Variants in KLHL8 observed in about 807,000 individuals in gnomAD.
KLHL8 encodes the protein kelch-like protein 8.
In KLHL8, 38 loss-of-function variants were observed where a neutral mutation model predicts 63.5. The ratio of observed to expected loss-of-function variants is 0.60; its 90% CI spans 0.46 to 0.78. The LOEUF is 0.78. Ranked by LOEUF, KLHL8 falls within the 30% of genes least tolerant of loss-of-function variation. KLHL8 has a pLI of 0.00. For synonymous variants in KLHL8, 224 were observed against 254.3 expected (o/e 0.88, Z 1.13); for missense variants, 566 against 752.4 (o/e 0.75, Z 2.90).
At chr4:87,228,648 T>C (rs1410452379) in intron 1 of KLHL8, among the ~76,000 whole-genome samples, 2 of 152,234 alleles carry the variant, frequency 1.3e-5, no homozygotes, top group African/African-American at 4.8e-5. Flanking sequence ...CCTATTCTTT[T>C]ACTGGGTCAG....
chr4:87,197,856 C>T (rs1731756406), intron 1 of KLHL8, among the ~76,000 whole-genome samples: 1 of 151,976 alleles, frequency 6.6e-6, no homozygotes, highest in Admixed American at 6.6e-5. Context: ...CTGTAAAGGG[C>T]CACAGAGTAG....
intron 2 of KLHL8, 116 bp downstream of exon 2, chr4:87,195,208 T>C (rs1364350800): frequency 4.3e-6 from 3 of 701,404 alleles, no homozygotes; most frequent in African/African-American, 3.6e-5. Flanking sequence ...ACTAAAAGCA[T>C]TCTGACTGTA....
chr4:87,179,049 T>C (rs1730946096), intron 4 of KLHL8, among the ~76,000 whole-genome samples: 2 of 152,210 alleles, frequency 1.3e-5, no homozygotes, highest in Non-Finnish European at 2.9e-5. Context: ...CCATGTTCCA[T>C]CCTTAGCCCA....
Position 87,163,654 on chromosome 4 carries a change from G to A in KLHL8, c.1740-12C>T, listed in dbSNP as rs772708160. ...CAACAAGCTCCCACCTGAAAAGACGGAGAAGAAAAAATGTTACAAAGCATA... is the reference window on the plus strand; with the variant it reads ...CAACAAGCTCCCACCTGAAAAGACGAAGAAGAAAAAATGTTACAAAGCATA... On this transcript the variant is annotated splice_polypyrimidine_tract_variant and intron_variant, in intron 9 of 9. Coordinates refer to ENST00000273963, the MANE Select transcript of KLHL8 (RefSeq NM_020803.5). The A allele has an allele frequency of 6.2e-7, 1 of 1,609,848 alleles. No individual in the cohort carries two copies. Among genetic ancestry groups the A allele is most frequent in the Non-Finnish European group, 8.5e-7 (1 of 1,178,934 alleles).
intron 8 of KLHL8, among the ~76,000 whole-genome samples, chr4:87,165,149 CAAAAAAAAAAA>C (rs71660120): frequency 8.8e-5 from 3 of 34,126 alleles, no homozygotes; most frequent in Admixed American, 3.1e-4. Context: ...GACTCTGTCT[CAAAAAAAAAAA>C]AAAAAAAAAA....
Position 87,170,482 on chromosome 4 carries a change from T to G in KLHL8, c.1342A>C (p.Thr448Pro), listed in dbSNP as rs1730593791. The change falls in exon 7 of 10, where the codon ACT becomes CCT. Residue 448 changes from threonine (T) to proline (P), a missense_variant. Coordinates refer to ENST00000273963, the MANE Select transcript of KLHL8 (RefSeq NM_020803.5). Reference protein sequence around the residue: ...DQWSTVAPMNTPRGGVGSVAL... With the variant: ...DQWSTVAPMNPPRGGVGSVAL... ...ACAGAGCCAACTCCTCCACGGGGAGTATTCATTGGTGCCACTGTACTCCAC... is the reference window on the plus strand; with the variant it reads ...ACAGAGCCAACTCCTCCACGGGGAGGATTCATTGGTGCCACTGTACTCCAC... The G allele has an allele frequency of 6.2e-7, 1 of 1,610,320 alleles. No homozygotes were observed. The highest frequency in any genetic ancestry group is 1.3e-5 in the African/African-American group (1 of 74,664).
At chr4:87,238,137 T>C (rs1013662361) in intron 1 of KLHL8, among the ~76,000 whole-genome samples, 2 of 152,082 alleles carry the variant, frequency 1.3e-5, no homozygotes, top group East Asian at 3.9e-4. Context: ...GGTTTCACCA[T>C]GTTGGCCAGG....
intron 3 of KLHL8, 29 bp downstream of exon 3, chr4:87,185,222 T>C (rs745869923): frequency 3.2e-6 from 5 of 1,566,932 alleles, no homozygotes; most frequent in South Asian, 1.2e-5. Context: ...TCACTTCATT[T>C]CTGTGTGAAA....
chr4:87,187,338 G>A (rs1195181707), intron 2 of KLHL8, among the ~76,000 whole-genome samples: 1 of 151,630 alleles, frequency 6.6e-6, no homozygotes, highest in Non-Finnish European at 1.5e-5. Context: ...TAAGATTATA[G>A]GTGTGAGCCA....
intron 6 of KLHL8, among the ~76,000 whole-genome samples, chr4:87,173,900 CTT>C (rs5860063): frequency 1.3e-5 from 2 of 150,322 alleles, no homozygotes; most frequent in African/African-American, 2.4e-5. Context: ...TTAAGACTAG[CTT>C]TTTTTTTTTC....
chr4:87,189,841 A>T (rs1428489977), intron 2 of KLHL8, among the ~76,000 whole-genome samples: 1 of 151,774 alleles, frequency 6.6e-6, no homozygotes, highest in African/African-American at 2.4e-5. Context: ...CATCCTGGCT[A>T]ACATGGTGAA....
chr4:87,230,408 G>A (rs560753803), intron 1 of KLHL8, among the ~76,000 whole-genome samples: 5 of 152,116 alleles, frequency 3.3e-5, no homozygotes, highest in Admixed American at 1.3e-4. Context: ...GGGTGAAGAC[G>A]AATCTGGAGA....
chr4:87,227,771 T>C (rs1276219593), intron 1 of KLHL8, among the ~76,000 whole-genome samples: 1 of 152,212 alleles, frequency 6.6e-6, no homozygotes, highest in African/African-American at 2.4e-5. Context: ...TGCCTCCCTT[T>C]GTGCAATGAA....
chr4:87,192,943 G>A (rs1731549379), intron 2 of KLHL8, among the ~76,000 whole-genome samples: 1 of 152,148 alleles, frequency 6.6e-6, no homozygotes. Flanking sequence ...TATTTGCTAT[G>A]AATGGAGCTG....
intron 1 of KLHL8, among the ~76,000 whole-genome samples, chr4:87,231,840 T>C (rs1733142732): frequency 6.6e-6 from 1 of 152,072 alleles, no homozygotes; most frequent in Non-Finnish European, 1.5e-5. Flanking sequence ...ACAAGTGATC[T>C]GCCTGCCTCG....
intron 6 of KLHL8, among the ~76,000 whole-genome samples, chr4:87,172,086 G>A (rs943948483): frequency 2.0e-5 from 3 of 152,110 alleles, no homozygotes; most frequent in African/African-American, 4.8e-5. Context: ...CAAAAGGGAG[G>A]TGACCTTGGC....
chr4:87,166,353 C>T (rs1730398998), intron 8 of KLHL8, among the ~76,000 whole-genome samples: 1 of 152,162 alleles, frequency 6.6e-6, no homozygotes, highest in African/African-American at 2.4e-5. Flanking sequence ...TTAAGTAACA[C>T]AAACAATTTA....
chr4:87,211,238 A>G (rs1235648670), intron 1 of KLHL8, among the ~76,000 whole-genome samples: 1 of 152,220 alleles, frequency 6.6e-6, no homozygotes, highest in Non-Finnish European at 1.5e-5. Flanking sequence ...TGCATAAGAC[A>G]TTTACTTCAA....
At chr4:87,205,673 A>G (rs1578393021) in intron 1 of KLHL8, among the ~76,000 whole-genome samples, 1 of 152,206 alleles carries the variant, frequency 6.6e-6, no homozygotes, top group East Asian at 1.9e-4. Flanking sequence ...CATGTTGCCC[A>G]GGCTGGTCTT....
Sources: allele counts gnomAD v4.1 joint callset (sites outside exome capture counted in the v4.1 genomes callset), GRCh38; gene constraint gnomAD v4.1.1; transcripts MANE v1.5; gene names NCBI Gene and HGNC (gene_info 2026-07-23, HGNC 2026-07-21).